Variants in ENOX1 observed in about 807,000 individuals in gnomAD.
ENOX1 encodes the protein ecto-NOX disulfide-thiol exchanger 1.
In ENOX1, 42 loss-of-function variants were observed where a neutral mutation model predicts 82.5. That is an observed-to-expected ratio of 0.51 (90% CI 0.40 to 0.66). ENOX1 has a LOEUF of 0.66. ENOX1 is among the 30% of genes least tolerant of loss of function. The probability of loss-of-function intolerance (pLI) is 0.00; values close to 1 mark genes in which losing one functional copy is unlikely to be tolerated. For missense variants in ENOX1, 608 were observed against 811.6 expected, an observed-to-expected ratio of 0.75 and a Z score of 3.05; for synonymous variants, 271 against 282.2, an observed-to-expected ratio of 0.96 and a Z score of 0.40.
rs143923184 is a variant in ENOX1 at position 43,356,124 on chromosome 13, G to A, written c.618C>T (p.Thr206=). ...GAAGGCGGCCTGAATCCTTTTTGTC[G>A]GTGCTAGACCCTAATCGCATCCTAT... ...SGYRMRLGSS[T]DKKDSGRLHV... The change falls in exon 8 of 17, where the codon ACC becomes ACT. Residue 206 remains threonine, a synonymous_variant. Transcript: ENST00000690772. 5.1e-3 allele frequency: 8,183 copies of A among 1,614,128 alleles called. 25 individuals carry two copies. Among genetic ancestry groups the A allele is most frequent in the Non-Finnish European group, 6.5e-3 (7,707 of 1,180,018 alleles).
chr13:43,394,874 A>T (rs1311543739), intron 5 of ENOX1: 7 of 152,082 alleles, frequency 4.6e-5, no homozygotes, highest in Admixed American at 4.6e-4. Context: ...CAGGAAAAAA[A>T]AAAAAATGCA....
chr13:43,243,094 C>T (rs889508509), intron 14 of ENOX1, among the ~76,000 whole-genome samples: 6 of 146,652 alleles, frequency 4.1e-5, no homozygotes, highest in Admixed American at 1.4e-4. Flanking sequence ...TGAGTTTGCA[C>T]CACTGCACTC....
chr13:43,575,624 T>C (rs907532644), intron 2 of ENOX1, among the ~76,000 whole-genome samples: 3 of 152,208 alleles, frequency 2.0e-5, no homozygotes, highest in South Asian at 2.1e-4. Context: ...CAAGATGCTT[T>C]TATATTGTGG....
At chr13:43,726,778 G>A (rs2088999383) in intron 1 of ENOX1, among the ~76,000 whole-genome samples, 1 of 151,432 alleles carries the variant, frequency 6.6e-6, no homozygotes, top group Admixed American at 6.6e-5. Flanking sequence ...GTCTCACTGT[G>A]TCACCCAGGC....
At chr13:43,562,614 A>T (rs546275490) in intron 2 of ENOX1, among the ~76,000 whole-genome samples, 70 of 152,196 alleles carry the variant, frequency 4.6e-4, no homozygotes, top group African/African-American at 1.5e-3. Flanking sequence ...TAAACTAAAC[A>T]AAAAACAAGC....
intron 2 of ENOX1, among the ~76,000 whole-genome samples, chr13:43,576,586 A>G (rs2080435687): frequency 6.6e-6 from 1 of 152,210 alleles, no homozygotes. Context: ...GCTACTGAAA[A>G]AAAAAATGTG....
intron 2 of ENOX1, among the ~76,000 whole-genome samples, chr13:43,643,277 T>C (rs1208730648): frequency 4.6e-5 from 7 of 152,100 alleles, no homozygotes; most frequent in Non-Finnish European, 4.4e-5. Context: ...GTGAATGAAC[T>C]AAGAAGACAG....
At chr13:43,247,852 TATATATATATATATATATATATATA>T (rs1319887213) in intron 14 of ENOX1, among the ~76,000 whole-genome samples, 262 of 2,820 alleles carry the variant, frequency 0.093, 25 homozygotes, top group African/African-American at 0.12. Flanking sequence ...TATATATATA[TATATATATATATATATATATATATA>T]TATATATTTT....
At chr13:43,641,236 C>T (rs1302851356) in intron 2 of ENOX1, among the ~76,000 whole-genome samples, 1 of 152,024 alleles carries the variant, frequency 6.6e-6, no homozygotes, top group African/African-American at 2.4e-5. Flanking sequence ...TTTTGGTTTC[C>T]AAACCTGGCT....
chr13:43,296,099 C>G (rs980982194), intron 12 of ENOX1, among the ~76,000 whole-genome samples: 2 of 152,216 alleles, frequency 1.3e-5, no homozygotes, highest in African/African-American at 2.4e-5. Context: ...CCTCATTTGA[C>G]ACAGATATTT....
chr13:43,755,681 C>T (rs2153833159), intron 1 of ENOX1, among the ~76,000 whole-genome samples: 1 of 152,224 alleles, frequency 6.6e-6, no homozygotes, highest in African/African-American at 2.4e-5. Flanking sequence ...ACATATCCTC[C>T]CACACTTTTC....
intron 2 of ENOX1, among the ~76,000 whole-genome samples, chr13:43,625,774 T>C (rs1260671554): frequency 6.6e-6 from 1 of 151,914 alleles, no homozygotes. Flanking sequence ...TACTTCTCTA[T>C]TTATGATTGA....
intron 9 of ENOX1, among the ~76,000 whole-genome samples, chr13:43,329,214 T>A (rs1293325975): frequency 2.6e-5 from 4 of 152,100 alleles, no homozygotes; most frequent in Admixed American, 2.6e-4. Flanking sequence ...TAGGTATGAA[T>A]CAAGAGAGAC....
At chr13:43,416,245 G>A (rs2054529773) in intron 3 of ENOX1, among the ~76,000 whole-genome samples, 1 of 131,100 alleles carries the variant, frequency 7.6e-6, no homozygotes, top group African/African-American at 3.0e-5. Context: ...ATGATGGGTG[G>A]CCGGGCAGAG....
chr13:43,615,731 A>G (rs989920890), intron 2 of ENOX1, among the ~76,000 whole-genome samples: 7 of 151,834 alleles, frequency 4.6e-5, no homozygotes, highest in African/African-American at 1.5e-4. Flanking sequence ...TCCTAATGCT[A>G]TCCCTCCCCT....
intron 2 of ENOX1, among the ~76,000 whole-genome samples, chr13:43,583,947 A>C (rs1193419157): frequency 6.6e-6 from 1 of 152,164 alleles, no homozygotes; most frequent in East Asian, 1.9e-4. Context: ...AGATTGTAAA[A>C]GCAAACTGAA....
chr13:43,646,735 T>G (rs1566700238), intron 2 of ENOX1, among the ~76,000 whole-genome samples: 2 of 152,114 alleles, frequency 1.3e-5, no homozygotes, highest in Non-Finnish European at 2.9e-5. Flanking sequence ...TACCCCAGGG[T>G]GACAAAAGCC....
chr13:43,778,846 G>A (rs1952076786), intron 1 of ENOX1, among the ~76,000 whole-genome samples: 1 of 152,190 alleles, frequency 6.6e-6, no homozygotes. Context: ...GCAGGGCAGG[G>A]CAACAGGACG....
intron 2 of ENOX1, among the ~76,000 whole-genome samples, chr13:43,538,827 C>T (rs995277983): frequency 7.2e-4 from 17 of 23,566 alleles, no homozygotes; most frequent in African/African-American, 2.3e-3. Context: ...CCTTTCCTCC[C>T]CGCCCCTGCC....
Sources: gnomAD v4.1 joint callset for allele counts (sites outside exome capture counted in the v4.1 genomes callset) on GRCh38, gnomAD v4.1.1 for gene constraint, MANE v1.5 for transcripts, NCBI Gene and HGNC (gene_info 2026-07-23, HGNC 2026-07-21) for gene names.